Variants in TAF2 observed in about 807,000 individuals in gnomAD.
TAF2 encodes the protein transcription initiation factor TFIID subunit 2.
Under a neutral mutation model 138.5 loss-of-function variants are expected in TAF2, and 61 were observed. The observed-to-expected ratio is 0.44, with a 90% CI of 0.36 to 0.54. The LOEUF (loss-of-function observed/expected upper bound fraction) is 0.54, where lower values mean the gene tolerates loss of function less well. TAF2 is among the 20% of genes least tolerant of loss of function. The pLI is 0.00. For synonymous variants in TAF2, 475 were observed against 469.9 expected, an observed-to-expected ratio of 1.01 and a Z score of -0.14; for missense variants, 1,090 against 1,427.9, an observed-to-expected ratio of 0.76 and a Z score of 3.81.
At chr8:119,830,105 A>G (rs1213390559) in intron 2 of TAF2, among the ~76,000 whole-genome samples, 1 of 151,844 alleles carries the variant, frequency 6.6e-6, no homozygotes, top group Non-Finnish European at 1.5e-5. Flanking sequence ...TCACCGTGTT[A>G]GCCAGGATGG....
intron 18 of TAF2, among the ~76,000 whole-genome samples, chr8:119,765,855 A>G (rs1415517616): frequency 3.3e-5 from 5 of 152,198 alleles, no homozygotes; most frequent in Admixed American, 3.3e-4. Flanking sequence ...AATCTCCACA[A>G]AAACCCTATG....
intron 18 of TAF2, among the ~76,000 whole-genome samples, chr8:119,774,064 G>A (rs768085589): frequency 4.0e-5 from 6 of 149,526 alleles, no homozygotes; most frequent in South Asian, 4.2e-4. Flanking sequence ...CCAGCTACTC[G>A]GGAGGCTGAG....
In TAF2 at chr8:119,783,499, G is replaced by A; in HGVS notation, c.1994C>T (p.Ser665Phe). The change falls in exon 16 of 26, where the codon TCC (serine) becomes TTC (phenylalanine). Residue 665 changes from serine to phenylalanine, a missense_variant. By Grantham distance (155) the Ser-to-Phe change is radical. Coordinates refer to ENST00000378164, the MANE Select transcript of TAF2 (RefSeq NM_003184.4). ...YERDVVAQQE[S>F]ILALEKFPTP... ...AGGGAATTTTTCCAAAGCCAAAATG[G>A]ATTCCTGCTGTGCAACAACATCTCT... 6.2e-7 allele frequency: 1 copy of A among 1,614,124 alleles called. No homozygotes were observed. The highest frequency in any genetic ancestry group is 8.5e-7 in the Non-Finnish European group (1 of 1,180,030).
intron 24 of TAF2, 43 bp downstream of exon 24, chr8:119,744,245 C>T (rs1819794244): frequency 6.6e-7 from 1 of 1,517,764 alleles, no homozygotes; most frequent in Non-Finnish European, 9.2e-7. Context: ...TGACATCAAC[C>T]AATGTCTCCA....
intron 3 of TAF2, among the ~76,000 whole-genome samples, chr8:119,808,756 T>TG (rs1330684894): frequency 1.3e-5 from 2 of 152,344 alleles, no homozygotes; most frequent in Admixed American, 6.5e-5. Flanking sequence ...AGCTCTTGGG[T>TG]AACCAGGTGT....
chr8:119,785,049 T>C (rs1164997940), intron 15 of TAF2, 152 bp downstream of exon 15: 1 of 616,224 alleles, frequency 1.6e-6, no homozygotes, highest in Non-Finnish European at 2.8e-6. Context: ...TGATTTTACA[T>C]AAACTGTTTT....
chr8:119,781,021 A>G, intron 17 of TAF2, 32 bp downstream of exon 17: 1 of 1,602,542 alleles, frequency 6.2e-7, no homozygotes, highest in Non-Finnish European at 8.5e-7. Context: ...AAATATATAA[A>G]AACCATGAGA....
intron 6 of TAF2, among the ~76,000 whole-genome samples, chr8:119,799,307 T>TC (rs1464884992): frequency 7.0e-6 from 1 of 143,376 alleles, no homozygotes; most frequent in African/African-American, 2.5e-5. Context: ...CCCTCCCCCA[T>TC]CCCCCCACCC....
intron 25 of TAF2, 55 bp downstream of exon 25, chr8:119,742,479 A>T (rs1819662074): frequency 5.0e-6 from 8 of 1,590,574 alleles, no homozygotes; most frequent in Non-Finnish European, 6.9e-6. Flanking sequence ...ACTCTATTAC[A>T]TTTATAGATT....
At chr8:119,760,837 A>C (rs1246891509) in intron 19 of TAF2, 99 bp from the exon 20 acceptor site, 2 of 1,510,296 alleles carry the variant, frequency 1.3e-6, no homozygotes, top group African/African-American at 2.7e-5. Context: ...ATCAATTTAA[A>C]AACTGATGTG....
intron 22 of TAF2, among the ~76,000 whole-genome samples, chr8:119,750,858 T>C (rs560616270): frequency 4.6e-5 from 7 of 152,332 alleles, no homozygotes; most frequent in African/African-American, 1.4e-4. Context: ...ATAAACAGCA[T>C]TCAATGACTT....
chr8:119,818,623 A>G (rs2131253831), intron 3 of TAF2, among the ~76,000 whole-genome samples: 1 of 152,264 alleles, frequency 6.6e-6, no homozygotes, highest in South Asian at 2.1e-4. Context: ...ACATTCACTC[A>G]CTACTTATGA....
intron 25 of TAF2, among the ~76,000 whole-genome samples, chr8:119,742,124 C>T (rs1422997159): frequency 2.0e-5 from 3 of 151,948 alleles, no homozygotes; most frequent in Admixed American, 6.6e-5. Context: ...TTATTTTATG[C>T]GTTTATATCT....
chr8:119,731,724 A>G lies in TAF2; in HGVS notation c.*200T>C. ...ACAGCGGATGAAATAGTTTATCCAG[A>G]ACTACAAAACACATTTTCCTAATTA... On this transcript the variant is annotated 3_prime_UTR_variant, in exon 26 of 26. Transcript: ENST00000378164. 1 of 611,800 alleles carries G rather than the reference A, an allele frequency of 1.6e-6. No individual in the cohort carries two copies. 37.9% of individuals were successfully genotyped at this position (611,800 alleles called of 1,614,324 possible).
intron 20 of TAF2, among the ~76,000 whole-genome samples, chr8:119,759,617 T>C (rs1182803518): frequency 6.6e-6 from 1 of 152,186 alleles, no homozygotes; most frequent in Non-Finnish European, 1.5e-5. Flanking sequence ...GTTTAACAAA[T>C]ATTTAGGCTT....
chr8:119,792,418 T>C (rs1261117422), intron 10 of TAF2, among the ~76,000 whole-genome samples: 1 of 152,162 alleles, frequency 6.6e-6, no homozygotes. Flanking sequence ...CCCAAAGTGC[T>C]GGGATTACAG....
chr8:119,829,136 C>A (rs897054053), intron 2 of TAF2, among the ~76,000 whole-genome samples: 3 of 152,126 alleles, frequency 2.0e-5, no homozygotes, highest in African/African-American at 4.8e-5. Context: ...TCTCATTTTG[C>A]CCCTCCTGAT....
chr8:119,802,052 A>G (rs1167542600), intron 5 of TAF2, 27 bp from the exon 6 acceptor site: 2 of 1,558,082 alleles, frequency 1.3e-6, no homozygotes, highest in South Asian at 2.3e-5. Flanking sequence ...CAGTATAGAA[A>G]ATGTATTCAA....
At position 119,762,491 on chromosome 8, in the gene TAF2, G is replaced by C; in HGVS notation, c.2482C>G (p.Leu828Val). ...TLDNLNPDVRLILEEITRFLN... is the reference protein window; with the variant it reads ...TLDNLNPDVRVILEEITRFLN... ...AATCTGGTGATTTCTTCAAGAATGA[G>C]TCGCACATCAGGATTTAAGTTATCC... The change falls in exon 19 of 26, where the codon CTC (leucine) becomes GTC (valine). Residue 828 changes from leucine (L) to valine (V), a missense_variant. By Grantham distance (32) the Leu-to-Val change is conservative. This residue lies in a region of TAF2 where 580 missense variants were observed against 719.6 expected (regional missense o/e 0.81). Coordinates refer to ENST00000378164, the MANE Select transcript of TAF2 (RefSeq NM_003184.4). The C allele has an allele frequency of 6.2e-7, 1 of 1,613,994 alleles. No homozygotes were observed. The highest frequency in any genetic ancestry group is 2.2e-5 in the East Asian group (1 of 44,828).
Sources: gnomAD v4.1 joint callset for allele counts (sites outside exome capture counted in the v4.1 genomes callset) on GRCh38, gnomAD v4.1.1 for gene constraint, gnomAD v4.1.1 regional missense constraint, MANE v1.5 for transcripts, NCBI Gene and HGNC (gene_info 2026-07-23, HGNC 2026-07-21) for gene names.